KAT6B: variants seen among roughly 807,000 people sequenced by gnomAD.
KAT6B encodes the protein lysine acetyltransferase 6B.
Under a neutral mutation model 187.5 loss-of-function variants are expected in KAT6B, and 10 were observed. The observed-to-expected ratio is 0.05, with a 90% confidence interval of 0.03 to 0.09. The LOEUF (loss-of-function observed/expected upper bound fraction) is 0.09, where lower values mean the gene tolerates loss of function less well. Ranked by LOEUF, KAT6B falls within the 10% of genes least tolerant of loss-of-function variation. The pLI, the probability that KAT6B is intolerant of heterozygous loss-of-function variation, is 1.00. For missense variants in KAT6B, 1,952 were observed against 2,558.9 expected, an observed-to-expected ratio of 0.76 and a Z score of 5.12; for synonymous variants, 861 against 926.8, an observed-to-expected ratio of 0.93 and a Z score of 1.29.
chr10:74,887,327 G>T (rs954384416), intron 3 of KAT6B, among the ~76,000 whole-genome samples: 2 of 152,124 alleles, frequency 1.3e-5, no homozygotes, highest in African/African-American at 4.8e-5. Context: ...CAGGGCTTTC[G>T]TCTCTGTTTT....
chr10:75,022,638 C>A (rs1482009202), intron 16 of KAT6B, among the ~76,000 whole-genome samples: 1 of 152,204 alleles, frequency 6.6e-6, no homozygotes. Flanking sequence ...GTGCTCAAGA[C>A]TCTAAGCCTG....
At chr10:74,906,227 C>T (rs1029147840) in intron 3 of KAT6B, among the ~76,000 whole-genome samples, 1 of 152,068 alleles carries the variant, frequency 6.6e-6, no homozygotes, top group African/African-American at 2.4e-5. Context: ...TGGTAAAACC[C>T]CGTCTCCACT....
chr10:75,020,490 C>T lies in KAT6B; in HGVS notation c.2630-92C>T, dbSNP rs1187981427. 6.9e-6 allele frequency: 6 copies of T among 868,354 alleles called. No individual in the cohort carries two copies. In the Admixed American group the frequency reaches 9.2e-5, roughly 13 times the overall value. The allele number at this position is 868,354 out of a possible 1,614,324, so 53.8% of individuals were successfully genotyped here. On this transcript the variant is annotated intron_variant, in intron 13 of 17. Transcript: ENST00000287239. ...GCACTTCTCTGTTGTGATGTTTTTA[C>T]CTTGTCACTACTCATATTATTTCTA...
At chr10:74,962,251 T>C (rs1460530795) in intron 4 of KAT6B, among the ~76,000 whole-genome samples, 1 of 152,218 alleles carries the variant, frequency 6.6e-6, no homozygotes, top group Non-Finnish European at 1.5e-5. Context: ...AGGGTCAAAA[T>C]AAAATATAGT....
At chr10:74,930,857 T>A (rs1351782669) in intron 3 of KAT6B, among the ~76,000 whole-genome samples, 1 of 152,230 alleles carries the variant, frequency 6.6e-6, no homozygotes, top group Non-Finnish European at 1.5e-5. Context: ...AGATTGTAAT[T>A]TCCCCCTCGA....
chr10:74,833,908 T>C (rs1841070217), intron 1 of KAT6B, among the ~76,000 whole-genome samples: 1 of 152,238 alleles, frequency 6.6e-6, no homozygotes, highest in African/African-American at 2.4e-5. Context: ...CAGCGTTTTA[T>C]TGAGTGCCTG....
intron 5 of KAT6B, 71 bp from the exon 6 acceptor site, chr10:74,969,949 G>A (rs772483830): frequency 6.0e-6 from 7 of 1,171,636 alleles, no homozygotes; most frequent in Non-Finnish European, 8.9e-6. Context: ...TGTTAATCCA[G>A]TAACAAAAGA....
chr10:74,915,893 G>A lies in KAT6B; in HGVS notation c.622-44077G>A, dbSNP rs1379970856. 4.6e-5 allele frequency among the ~76,000 whole-genome samples: 7 copies of A among 152,282 alleles called. No individual in the cohort carries two copies. In the South Asian group the frequency reaches 1.0e-3, roughly 23 times the overall value. ...TAAAAATCTATAATTTTGGCTGGGC[G>A]TGGTGGCTCATACCTATAATCCCAG... is the stretch of plus-strand genomic sequence containing the variant. On this transcript the variant is annotated intron_variant, in intron 3 of 17. Transcript: ENST00000287239.
intron 13 of KAT6B, among the ~76,000 whole-genome samples, chr10:75,016,097 T>C (rs1483563330): frequency 6.6e-6 from 1 of 152,248 alleles, no homozygotes; most frequent in Non-Finnish European, 1.5e-5. Flanking sequence ...GGGAATTAAA[T>C]TTAATTTGGG....
chr10:74,889,406 A>T (rs1041464501), intron 3 of KAT6B, among the ~76,000 whole-genome samples: 1 of 152,198 alleles, frequency 6.6e-6, no homozygotes, highest in Non-Finnish European at 1.5e-5. Context: ...GTTCAGCTTC[A>T]TTAAGAAGTT....
At chr10:74,850,729 A>G (rs1041058988) in intron 3 of KAT6B, among the ~76,000 whole-genome samples, 34 of 152,256 alleles carry the variant, frequency 2.2e-4, no homozygotes, top group African/African-American at 8.0e-4. Context: ...TTGGAAAGTC[A>G]CATATTCTAA....
chr10:74,944,257 T>TG (rs1849928056), intron 3 of KAT6B, among the ~76,000 whole-genome samples: 1 of 152,190 alleles, frequency 6.6e-6, no homozygotes, highest in South Asian at 2.1e-4. Context: ...CCTGTATCAC[T>TG]GGATATGGCC....
chr10:74,906,218 G>A (rs569378067), intron 3 of KAT6B, among the ~76,000 whole-genome samples: 1 of 152,154 alleles, frequency 6.6e-6, no homozygotes, highest in African/African-American at 2.4e-5. Flanking sequence ...TGACCAACAT[G>A]GTAAAACCCC....
At chr10:75,017,219 GTAAGT>G (rs1384154465) in intron 13 of KAT6B, among the ~76,000 whole-genome samples, 1 of 151,062 alleles carries the variant, frequency 6.6e-6, no homozygotes, top group African/African-American at 2.4e-5. Context: ...AATTTTTTTG[GTAAGT>G]TAAGAGCTGT....
intron 3 of KAT6B, among the ~76,000 whole-genome samples, chr10:74,871,082 A>G (rs191858895): frequency 2.9e-5 from 4 of 135,722 alleles, no homozygotes; most frequent in South Asian, 2.4e-4. Context: ...GGGTTCCACC[A>G]TGTTGGCCGG....
At position 75,022,250 on chromosome 10, in the gene KAT6B, T is replaced by G; in HGVS notation, c.3372+19T>G. ...GAGAAAGGTAGGTGTCTGTTTAGAT[T>G]TTCTGTGAGTCGCGTTCAATCAAAT... On this transcript the variant is annotated intron_variant, in intron 16 of 17. Coordinates refer to ENST00000287239, the MANE Select transcript of KAT6B (RefSeq NM_012330.4). 6.2e-7 allele frequency: 1 copy of G among 1,612,910 alleles called. No homozygotes were observed. The highest frequency in any genetic ancestry group is 1.6e-4 in the Middle Eastern group (1 of 6,062).
At chr10:74,926,224 C>G (rs763469438) in intron 3 of KAT6B, among the ~76,000 whole-genome samples, 1 of 152,164 alleles carries the variant, frequency 6.6e-6, no homozygotes, top group Non-Finnish European at 1.5e-5. Flanking sequence ...GAAGCCGAGG[C>G]GGGCAGATCA....
At chr10:74,959,662 C>T (rs1840949564) in intron 3 of KAT6B, among the ~76,000 whole-genome samples, 1 of 152,088 alleles carries the variant, frequency 6.6e-6, no homozygotes, top group Non-Finnish European at 1.5e-5. Context: ...TAGTGGCGCG[C>T]ATCTGTAATC....
chr10:74,862,969 T>C (rs747866567), intron 3 of KAT6B, among the ~76,000 whole-genome samples: 10 of 152,188 alleles, frequency 6.6e-5, no homozygotes, highest in Non-Finnish European at 1.3e-4. Context: ...CTCCTCTTGC[T>C]CTCTTACGCC....
Sources: allele counts gnomAD v4.1 joint callset (sites outside exome capture counted in the v4.1 genomes callset), GRCh38; gene constraint gnomAD v4.1.1; transcripts MANE v1.5; gene names NCBI Gene and HGNC (gene_info 2026-07-23, HGNC 2026-07-21).